NDEL1: variants seen among roughly 807,000 people sequenced by gnomAD.
NDEL1 encodes the protein nudE neurodevelopment protein 1 like 1.
NDEL1 carries 9 observed loss-of-function variants against 45.7 expected under a neutral mutation model. That is an observed-to-expected ratio of 0.20 (90% CI 0.12 to 0.34). The LOEUF (loss-of-function observed/expected upper bound fraction) is 0.34, where lower values mean the gene tolerates loss of function less well. NDEL1 is among the 10% of genes least tolerant of loss of function. The probability of loss-of-function intolerance (pLI) is 1.00; values close to 1 mark genes in which losing one functional copy is unlikely to be tolerated. For synonymous variants in NDEL1, 133 were observed against 158.6 expected (o/e 0.84, Z 1.21); for missense variants, 306 against 406.2 (o/e 0.75, Z 2.12).
intron 1 of NDEL1, among the ~76,000 whole-genome samples, chr17:8,438,918 G>A (rs1382320751): frequency 6.7e-6 from 1 of 150,130 alleles, no homozygotes; most frequent in Non-Finnish European, 1.5e-5. Flanking sequence ...TGACCACAAA[G>A]TAAGAAGTTT....
upstream of NDEL1, among the ~76,000 whole-genome samples, chr17:8,434,359 G>C (rs1909116260): frequency 6.6e-6 from 1 of 152,162 alleles, no homozygotes; most frequent in African/African-American, 2.4e-5. Context: ...TAGGATTACA[G>C]GTGCCCACCA....
At chr17:8,458,034 C>A (rs1280516611) in intron 7 of NDEL1, among the ~76,000 whole-genome samples, 1 of 152,176 alleles carries the variant, frequency 6.6e-6, no homozygotes, top group Admixed American at 6.5e-5. Flanking sequence ...TGACTGCATG[C>A]ACACGCCCCA....
intron 1 of NDEL1, chr17:8,443,924 CAGA>C (rs998110674): frequency 2.3e-5 from 4 of 175,042 alleles, no homozygotes; most frequent in African/African-American, 9.5e-5. Context: ...TCCCGATTCG[CAGA>C]AGACCACGTG....
intron 1 of NDEL1, among the ~76,000 whole-genome samples, chr17:8,422,540 C>T (rs547081052): frequency 6.6e-6 from 1 of 152,154 alleles, no homozygotes; most frequent in South Asian, 2.1e-4. Context: ...AGGCCTGCTT[C>T]CCTCTCCTGG....
intron 7 of NDEL1, among the ~76,000 whole-genome samples, chr17:8,455,548 A>G (rs1292108636): frequency 1.3e-5 from 2 of 151,952 alleles, no homozygotes; most frequent in Non-Finnish European, 2.9e-5. Flanking sequence ...ATTAGTCGGC[A>G]TGGTGGCAGA....
chr17:8,416,064 A>G (rs1908540636), intron 1 of NDEL1, among the ~76,000 whole-genome samples: 1 of 152,110 alleles, frequency 6.6e-6, no homozygotes, highest in Non-Finnish European at 1.5e-5. Flanking sequence ...ATCATTTTTA[A>G]GCGTACAGTT....
chr17:8,463,380 T>G, intron 8 of NDEL1: 2 of 1,607,742 alleles, frequency 1.2e-6, no homozygotes, highest in Non-Finnish European at 1.7e-6. Flanking sequence ...TGCTGTGCTC[T>G]TTTTCATTCT....
intron 1 of NDEL1, among the ~76,000 whole-genome samples, chr17:8,427,438 T>C (rs932623906): frequency 6.6e-6 from 1 of 152,238 alleles, no homozygotes; most frequent in African/African-American, 2.4e-5. Context: ...TGGTGGCTCA[T>C]GCCTGTAATC....
intron 1 of NDEL1, among the ~76,000 whole-genome samples, chr17:8,427,316 A>C (rs1281764443): frequency 6.6e-6 from 1 of 152,216 alleles, no homozygotes; most frequent in African/African-American, 2.4e-5. Context: ...GTATAGGAAT[A>C]GCCCAGGCTG....
intron 1 of NDEL1, among the ~76,000 whole-genome samples, chr17:8,418,330 T>C (rs1655877791): frequency 6.6e-6 from 1 of 152,236 alleles, no homozygotes; most frequent in Non-Finnish European, 1.5e-5. Flanking sequence ...TTTCACTCTG[T>C]GACCAGCATG....
chr17:8,455,033 C>A, intron 7 of NDEL1, 146 bp downstream of exon 7: 1 of 741,382 alleles, frequency 1.3e-6, no homozygotes, highest in Non-Finnish European at 2.3e-6. Context: ...CATTGACTAG[C>A]CAAGTCCAGA....
intron 1 of NDEL1, 81 bp from the exon 2 acceptor site, chr17:8,444,179 T>C: frequency 1.2e-6 from 1 of 859,064 alleles, no homozygotes; most frequent in Non-Finnish European, 1.9e-6. Context: ...ATGCTGCAGT[T>C]CAGTGTTGTC....
At chr17:8,452,715 C>CTTTCT (rs987628932) in intron 6 of NDEL1, among the ~76,000 whole-genome samples, 1 of 133,358 alleles carries the variant, frequency 7.5e-6, no homozygotes, top group Admixed American at 7.5e-5. Context: ...TTCTTCCTTT[C>CTTTCT]TTTCTTTTCT....
At chr17:8,428,892 C>G (rs1034428924) in intron 1 of NDEL1, among the ~76,000 whole-genome samples, 3 of 152,038 alleles carry the variant, frequency 2.0e-5, no homozygotes, top group Non-Finnish European at 1.5e-5. Context: ...CCAAGATGGT[C>G]TCGATCTCCT....
At chr17:8,435,217 T>C (rs897262124), upstream of NDEL1, among the ~76,000 whole-genome samples, 5 of 152,152 alleles carry the variant, frequency 3.3e-5, no homozygotes, top group Non-Finnish European at 7.4e-5. Context: ...CAAAAATGAA[T>C]ATATGCTCAG....
chr17:8,416,614 T>C (rs986191237), intron 1 of NDEL1, among the ~76,000 whole-genome samples: 7 of 152,198 alleles, frequency 4.6e-5, no homozygotes, highest in Non-Finnish European at 7.4e-5. Flanking sequence ...TTGTCATCCC[T>C]AGGATTCTGA....
At position 8,435,994 on chromosome 17, in the gene NDEL1, A is replaced by T; in HGVS notation, c.-64A>T. On this transcript the variant is annotated 5_prime_UTR_variant, in exon 1 of 9. Coordinates refer to ENST00000334527, the MANE Select transcript of NDEL1 (RefSeq NM_030808.5). ...TGGGCGGGCCTGGCCGGGCCGGCGG[A>T]GGGGAGACGTCGGTTGAGCGGCGGC... is the stretch of plus-strand genomic sequence containing the variant. The T allele has an allele frequency of 2.2e-6, 1 of 447,304 alleles. No homozygotes were observed. Among genetic ancestry groups the T allele is most frequent in the East Asian group, 7.7e-5 (1 of 13,046 alleles). 27.7% of individuals were successfully genotyped at this position (447,304 alleles called of 1,614,324 possible).
downstream of NDEL1, among the ~76,000 whole-genome samples, chr17:8,470,083 C>T (rs1439135746): frequency 6.6e-6 from 1 of 151,996 alleles, no homozygotes; most frequent in Non-Finnish European, 1.5e-5. This position sits in a 1 kb window ranked among gnomAD's most constrained non-coding sequence, Gnocchi z 4.2. Flanking sequence ...AACTCCCTGG[C>T]TCATCTCCCG....
At chr17:8,473,478 G>T (rs539034753) in intron 3 of NDEL1, among the ~76,000 whole-genome samples, 1 of 152,162 alleles carries the variant, frequency 6.6e-6, no homozygotes, top group African/African-American at 2.4e-5. Flanking sequence ...TGAGCACCAT[G>T]CCCAGCCCAG....
Sources: allele counts gnomAD v4.1 joint callset (sites outside exome capture counted in the v4.1 genomes callset), GRCh38; gene constraint gnomAD v4.1.1; non-coding constraint Gnocchi (gnomAD v3.1); transcripts MANE v1.5; gene names NCBI Gene and HGNC (gene_info 2026-07-23, HGNC 2026-07-21).